Variants in TMEM266 observed in about 807,000 individuals in gnomAD.
TMEM266 encodes the protein transmembrane protein 266.
Under a neutral mutation model 50.5 loss-of-function variants are expected in TMEM266, and 33 were observed. The ratio of observed to expected loss-of-function variants is 0.65; its 90% CI spans 0.50 to 0.87. The LOEUF (loss-of-function observed/expected upper bound fraction) is 0.87. Ranked by LOEUF, TMEM266 falls within the 40% of genes least tolerant of loss-of-function variation. TMEM266 has a pLI of 0.00. For missense variants in TMEM266, 655 were observed against 695.1 expected, an observed-to-expected ratio of 0.94 and a Z score of 0.65; for synonymous variants, 310 against 292.3, an observed-to-expected ratio of 1.06 and a Z score of -0.62.
At chr15:76,123,738 GCT>G (rs1017182179) in intron 1 of TMEM266, among the ~76,000 whole-genome samples, 26 of 150,376 alleles carry the variant, frequency 1.7e-4, no homozygotes, top group African/African-American at 6.4e-4. Flanking sequence ...ATGGAGTCTT[GCT>G]CTGTCGCCCA....
chr15:76,141,520 TG>T (rs2037677947), intron 3 of TMEM266, among the ~76,000 whole-genome samples: 2 of 152,206 alleles, frequency 1.3e-5, no homozygotes, highest in Non-Finnish European at 2.9e-5. Flanking sequence ...ATTACAGGCG[TG>T]AGCCACAGTG....
chr15:76,086,928 C>CGGGGG (rs34966558), intron 1 of TMEM266, among the ~76,000 whole-genome samples: 1 of 84,652 alleles, frequency 1.2e-5, no homozygotes, highest in African/African-American at 4.9e-5. Context: ...GGGAGCAGGT[C>CGGGGG]GGGGGGGGGG....
Position 76,161,933 on chromosome 15 carries a change from G to C in TMEM266, c.456+1765G>C, listed in dbSNP as rs186479283. Among the ~76,000 whole-genome samples, 1 of 152,218 alleles carries C rather than the reference G, an allele frequency of 6.6e-6. No homozygotes were observed. Among genetic ancestry groups the C allele is most frequent in the Admixed American group, 6.5e-5 (1 of 15,284 alleles). ...ACAAAAATGTTTAATCAGTTGCTGC[G>C]GTTCTTCCCCTCTATCCCTCTGCTT... On this transcript the variant is annotated intron_variant, in intron 5 of 10. Coordinates refer to ENST00000388942, the MANE Select transcript of TMEM266 (RefSeq NM_152335.3). The surrounding 1 kb of genome is among the most constrained non-coding windows in gnomAD (Gnocchi z 4.1).
intron 4 of TMEM266, among the ~76,000 whole-genome samples, chr15:76,157,944 C>T (rs1485294669): frequency 2.0e-5 from 3 of 152,112 alleles, no homozygotes; most frequent in African/African-American, 4.8e-5. Context: ...GCCGTGATCA[C>T]GCCACTGCAC....
At chr15:76,120,902 C>G (rs1022504692) in intron 1 of TMEM266, among the ~76,000 whole-genome samples, 2 of 151,870 alleles carry the variant, frequency 1.3e-5, no homozygotes, top group Non-Finnish European at 2.9e-5. Flanking sequence ...AAAACAGACT[C>G]CACTAAAACA....
At chr15:76,133,612 C>G (rs2037547824) in intron 1 of TMEM266, among the ~76,000 whole-genome samples, 1 of 152,116 alleles carries the variant, frequency 6.6e-6, no homozygotes, top group Admixed American at 6.6e-5. Flanking sequence ...GTAGCTCACT[C>G]CAGGTCACAG....
intron 3 of TMEM266, among the ~76,000 whole-genome samples, chr15:76,148,064 C>T (rs970947069): frequency 6.6e-6 from 1 of 152,242 alleles, no homozygotes; most frequent in Non-Finnish European, 1.5e-5. Context: ...GCTCACAAGG[C>T]GCAGGGTGTA....
chr15:76,095,540 A>G (rs1456272294), intron 1 of TMEM266, among the ~76,000 whole-genome samples: 1 of 152,022 alleles, frequency 6.6e-6, no homozygotes, highest in African/African-American at 2.4e-5. Context: ...GGATTTTCGC[A>G]TCGATTGTCA....
intron 1 of TMEM266, among the ~76,000 whole-genome samples, chr15:76,133,861 G>A (rs1253315396): frequency 6.6e-6 from 1 of 152,146 alleles, no homozygotes; most frequent in African/African-American, 2.4e-5. Flanking sequence ...CTGTTTTGGG[G>A]GGCACAGCAG....
At chr15:76,145,409 C>T (rs1387397413) in intron 3 of TMEM266, among the ~76,000 whole-genome samples, 3 of 152,196 alleles carry the variant, frequency 2.0e-5, no homozygotes, top group African/African-American at 7.2e-5. Flanking sequence ...AGGCCACATC[C>T]TTCCTCTTTC....
At chr15:76,182,472 TA>T (rs201138789) in intron 8 of TMEM266, among the ~76,000 whole-genome samples, 16,133 of 150,722 alleles carry the variant, frequency 0.11, 1,073 homozygotes, top group Middle Eastern at 0.17. Flanking sequence ...CCGTCTCTAC[TA>T]AAAAAAAATA....
chr15:76,133,343 A>G (rs897032311), intron 1 of TMEM266, among the ~76,000 whole-genome samples: 1 of 152,080 alleles, frequency 6.6e-6, no homozygotes, highest in Non-Finnish European at 1.5e-5. Context: ...AGGCTGAGGC[A>G]GGAGAATCGC....
intron 1 of TMEM266, among the ~76,000 whole-genome samples, chr15:76,129,615 C>T (rs188423946): frequency 3.3e-4 from 50 of 152,126 alleles, no homozygotes; most frequent in African/African-American, 1.2e-3. Context: ...GCACTCCAGC[C>T]TGGGCAACAA....
intron 1 of TMEM266, among the ~76,000 whole-genome samples, chr15:76,073,525 G>C (rs2036566266): frequency 6.6e-6 from 1 of 152,202 alleles, no homozygotes; most frequent in East Asian, 1.9e-4. Context: ...GAGCCACCAT[G>C]CCGGGCCAAA....
chr15:76,095,838 C>G (rs2036913737), intron 1 of TMEM266, among the ~76,000 whole-genome samples: 1 of 152,000 alleles, frequency 6.6e-6, no homozygotes, highest in Non-Finnish European at 1.5e-5. Context: ...CTGGTTTAGA[C>G]TTGGGAGGGT....
At chr15:76,146,895 T>C (rs762043076) in intron 3 of TMEM266, among the ~76,000 whole-genome samples, 8 of 152,204 alleles carry the variant, frequency 5.3e-5, no homozygotes, top group Admixed American at 1.3e-4. Context: ...TCTGCTCCTC[T>C]CTTTACAAGT....
At chr15:76,185,946 G>A (rs1167050108) in intron 8 of TMEM266, among the ~76,000 whole-genome samples, 1 of 152,174 alleles carries the variant, frequency 6.6e-6, no homozygotes, top group African/African-American at 2.4e-5. Flanking sequence ...GAAGAAAAGA[G>A]GCTCACCCAA....
At chr15:76,125,014 C>A (rs2037398804) in intron 1 of TMEM266, among the ~76,000 whole-genome samples, 1 of 152,040 alleles carries the variant, frequency 6.6e-6, no homozygotes, top group Non-Finnish European at 1.5e-5. Flanking sequence ...TGGAACAGAA[C>A]AAAGAGCCCA....
At chr15:76,104,713 A>G (rs551301210) in intron 1 of TMEM266, among the ~76,000 whole-genome samples, 22 of 152,288 alleles carry the variant, frequency 1.4e-4, no homozygotes, top group Non-Finnish European at 2.1e-4. Flanking sequence ...TCATCAGCTG[A>G]GAGTGTGAAC....
Sources: gnomAD v4.1 joint callset for allele counts (sites outside exome capture counted in the v4.1 genomes callset) on GRCh38, gnomAD v4.1.1 for gene constraint, Gnocchi (gnomAD v3.1) non-coding constraint, MANE v1.5 for transcripts, NCBI Gene and HGNC (gene_info 2026-07-23, HGNC 2026-07-21) for gene names.